Variants in COG5 observed in about 807,000 individuals in gnomAD.
COG5 encodes the protein conserved oligomeric Golgi complex subunit 5.
A neutral mutation model predicts 110.4 loss-of-function variants in COG5; 86 were observed. The observed-to-expected ratio is 0.78, with a 90% CI of 0.65 to 0.93. The LOEUF (loss-of-function observed/expected upper bound fraction) is 0.93, where lower values mean the gene tolerates loss of function less well. Ranked by LOEUF, COG5 falls within the 40% of genes least tolerant of loss-of-function variation. COG5 has a pLI of 0.00. For missense variants in COG5, 1,077 were observed against 987.0 expected (o/e 1.09, Z -1.22); for synonymous variants, 360 against 334.6 (o/e 1.08, Z -0.83).
chr7:107,400,411 T>C (rs1395244869), intron 7 of COG5, among the ~76,000 whole-genome samples: 1 of 152,142 alleles, frequency 6.6e-6, no homozygotes, highest in African/African-American at 2.4e-5. Context: ...AATTCTAGTA[T>C]TTACTACTAT....
intron 19 of COG5, among the ~76,000 whole-genome samples, chr7:107,225,688 T>C (rs1202257656): frequency 1.3e-5 from 2 of 152,140 alleles, no homozygotes; most frequent in African/African-American, 4.8e-5. Flanking sequence ...AATTTTTCTA[T>C]CTTTTGTAAA....
intron 6 of COG5, among the ~76,000 whole-genome samples, chr7:107,448,196 A>C (rs1563041165): frequency 6.6e-6 from 1 of 152,110 alleles, no homozygotes; most frequent in East Asian, 1.9e-4. Context: ...CTCCTCCCCC[A>C]AAACATGGAA....
intron 12 of COG5, among the ~76,000 whole-genome samples, chr7:107,294,923 GTATA>G (rs1554408053): frequency 7.3e-5 from 6 of 82,012 alleles, no homozygotes; most frequent in African/African-American, 2.8e-4. Context: ...GTGTGTGTGT[GTATA>G]TATACACACA....
intron 6 of COG5, among the ~76,000 whole-genome samples, chr7:107,492,555 A>C (rs1461732757): frequency 6.6e-6 from 1 of 152,102 alleles, no homozygotes; most frequent in Non-Finnish European, 1.5e-5. Context: ...TGTGGAACTG[A>C]GGACCTCACT....
chr7:107,239,233 AT>A (rs1801433491), intron 17 of COG5, among the ~76,000 whole-genome samples: 1 of 152,120 alleles, frequency 6.6e-6, no homozygotes, highest in Non-Finnish European at 1.5e-5. Flanking sequence ...TCCTTATTCC[AT>A]TGAGTGTTCC....
intron 7 of COG5, among the ~76,000 whole-genome samples, chr7:107,381,041 T>C (rs1334484777): frequency 1.3e-5 from 2 of 152,076 alleles, no homozygotes; most frequent in African/African-American, 4.8e-5. Context: ...CCCACATAAA[T>C]TGTGGGAATT....
chr7:107,308,001 T>A (rs1201769379), intron 11 of COG5, among the ~76,000 whole-genome samples: 1 of 152,216 alleles, frequency 6.6e-6, no homozygotes, highest in Non-Finnish European at 1.5e-5. Flanking sequence ...CTGATTGAGT[T>A]AGGAATTTTT....
intron 7 of COG5, among the ~76,000 whole-genome samples, chr7:107,411,090 T>G (rs1792257437): frequency 6.6e-6 from 1 of 152,006 alleles, no homozygotes; most frequent in Admixed American, 6.6e-5. Context: ...ACAAAAGGAT[T>G]AGGAGATGAA....
At chr7:107,533,032 C>T (rs1035910547) in intron 5 of COG5, among the ~76,000 whole-genome samples, 2 of 151,810 alleles carry the variant, frequency 1.3e-5, no homozygotes, top group Admixed American at 6.6e-5. Flanking sequence ...CTCAAGGACA[C>T]AGGGTCTGGA....
intron 12 of COG5, among the ~76,000 whole-genome samples, chr7:107,290,670 A>G (rs542786258): frequency 6.6e-6 from 1 of 152,188 alleles, no homozygotes; most frequent in East Asian, 1.9e-4. Context: ...TTGAAAGGAC[A>G]GCTTTACTGG....
intron 14 of COG5, among the ~76,000 whole-genome samples, chr7:107,270,852 A>G (rs1017479539): frequency 7.4e-6 from 1 of 135,734 alleles, no homozygotes; most frequent in African/African-American, 2.6e-5. Context: ...ACTTGTGCTA[A>G]TATTTTATAC....
At chr7:107,295,101 A>ATTTTTTT (rs1186745330) in intron 12 of COG5, among the ~76,000 whole-genome samples, 2 of 45,518 alleles carry the variant, frequency 4.4e-5, no homozygotes, top group African/African-American at 1.7e-4. Context: ...ATATATATAT[A>ATTTTTTT]TTTTTTTTTT....
chr7:107,498,616 C>A (rs1232500365), intron 6 of COG5, among the ~76,000 whole-genome samples: 8 of 151,620 alleles, frequency 5.3e-5, no homozygotes, highest in South Asian at 2.1e-4. Flanking sequence ...TTAAAAAAAA[C>A]AAACAAGCAA....
At chr7:107,524,879 C>T (rs144371361) in intron 6 of COG5, among the ~76,000 whole-genome samples, 114 of 152,224 alleles carry the variant, frequency 7.5e-4, no homozygotes, top group African/African-American at 2.6e-3. Flanking sequence ...CTGCATTATA[C>T]TAACTCAGAA....
At chr7:107,406,239 CA>C (rs1287317500) in intron 7 of COG5, among the ~76,000 whole-genome samples, 1 of 152,160 alleles carries the variant, frequency 6.6e-6, no homozygotes, top group Non-Finnish European at 1.5e-5. Context: ...AGACATACAA[CA>C]AAATTATAGT....
intron 8 of COG5, among the ~76,000 whole-genome samples, chr7:107,368,883 C>CT (rs1460518715): frequency 1.3e-5 from 2 of 152,190 alleles, no homozygotes; most frequent in African/African-American, 4.8e-5. Flanking sequence ...AAATACAACA[C>CT]TAAATAAAGT....
intron 7 of COG5, among the ~76,000 whole-genome samples, chr7:107,384,370 C>T (rs1436501298): frequency 6.6e-6 from 1 of 152,164 alleles, no homozygotes; most frequent in African/African-American, 2.4e-5. Flanking sequence ...ACCTGCCTGC[C>T]CACTGAGGTG....
intron 6 of COG5, among the ~76,000 whole-genome samples, chr7:107,519,015 T>A (rs1328193054): frequency 6.6e-6 from 1 of 151,994 alleles, no homozygotes; most frequent in Non-Finnish European, 1.5e-5. Flanking sequence ...ACCAAATAAC[T>A]ACATGGAAAT....
intron 14 of COG5, among the ~76,000 whole-genome samples, chr7:107,270,944 G>T (rs1043658092): frequency 8.0e-6 from 1 of 124,232 alleles, no homozygotes; most frequent in African/African-American, 3.3e-5. Context: ...ACCCAGGCTG[G>T]TCTCTAACTC....
Sources: allele counts gnomAD v4.1 joint callset (sites outside exome capture counted in the v4.1 genomes callset), GRCh38; gene constraint gnomAD v4.1.1; transcripts MANE v1.5; gene names NCBI Gene and HGNC (gene_info 2026-07-23, HGNC 2026-07-21).